SLMAP: variants seen among roughly 807,000 people sequenced by gnomAD.
The protein encoded by SLMAP is sarcolemmal membrane-associated protein.
In SLMAP, 44 loss-of-function variants were observed where a neutral mutation model predicts 128.8. The ratio of observed to expected loss-of-function variants is 0.34; its 90% CI spans 0.27 to 0.44. The LOEUF is 0.44. SLMAP is among the 20% of genes least tolerant of loss of function. The pLI, the probability that SLMAP is intolerant of heterozygous loss-of-function variation, is 1.00. For missense variants in SLMAP, 787 were observed against 985.3 expected, an observed-to-expected ratio of 0.80 and a Z score of 2.69; for synonymous variants, 327 against 348.8, an observed-to-expected ratio of 0.94 and a Z score of 0.70.
At chr3:57,787,427 A>T (rs1400645528) in intron 2 of SLMAP, among the ~76,000 whole-genome samples, 1 of 152,204 alleles carries the variant, frequency 6.6e-6, no homozygotes, top group Admixed American at 6.5e-5. Context: ...GTCAAACATT[A>T]GCATATTTAA....
At chr3:57,837,438 G>A (rs754962710) in intron 3 of SLMAP, among the ~76,000 whole-genome samples, 8 of 152,070 alleles carry the variant, frequency 5.3e-5, no homozygotes, top group South Asian at 2.1e-4. Flanking sequence ...GCACGATTTC[G>A]GTTCACTGCA....
At chr3:57,817,544 C>A (rs1006990516) in intron 2 of SLMAP, among the ~76,000 whole-genome samples, 2 of 152,170 alleles carry the variant, frequency 1.3e-5, no homozygotes, top group African/African-American at 4.8e-5. Flanking sequence ...GGGAATACCC[C>A]AATCTTCAAA....
In SLMAP at chr3:57,787,173, A is replaced by G. The variant is rs190954748; in HGVS notation, c.198+29324A>G. 2.2e-4 allele frequency among the ~76,000 whole-genome samples: 33 copies of G among 152,344 alleles called. No individual in the cohort carries two copies. The East Asian group carries it at 5.8e-3, about 27-fold the overall frequency. On this transcript the variant is annotated intron_variant, in intron 2 of 24. Transcript: ENST00000671191. ...CTCCCTTGAAGATGAGAGAAGCTGT[A>G]AAGAAATTATAATTTGAAGTAATGT...
intron 14 of SLMAP, among the ~76,000 whole-genome samples, chr3:57,871,917 T>C (rs1366653761): frequency 6.6e-6 from 1 of 152,204 alleles, no homozygotes; most frequent in Non-Finnish European, 1.5e-5. Flanking sequence ...TCATAATAGC[T>C]ACCATAAAAA....
intron 2 of SLMAP, among the ~76,000 whole-genome samples, chr3:57,816,140 T>A (rs2091827849): frequency 6.6e-6 from 1 of 151,898 alleles, no homozygotes; most frequent in African/African-American, 2.4e-5. Flanking sequence ...TTTGTTTGTT[T>A]GTTTGTTTGT....
At chr3:57,890,020 A>AACT (rs760057365) in intron 14 of SLMAP, 21 bp from the exon 15 acceptor site, 3 of 1,569,028 alleles carry the variant, frequency 1.9e-6, no homozygotes, top group South Asian at 1.1e-5. Context: ...CTTGGATGGT[A>AACT]ACGTTTATTT....
At chr3:57,778,149 G>A (rs749744532) in intron 2 of SLMAP, among the ~76,000 whole-genome samples, 13 of 152,228 alleles carry the variant, frequency 8.5e-5, no homozygotes, top group Non-Finnish European at 1.8e-4. Flanking sequence ...TAAACTATAA[G>A]TTCAATTTCT....
intron 17 of SLMAP, among the ~76,000 whole-genome samples, chr3:57,904,156 A>G (rs1043929957): frequency 7.9e-5 from 12 of 152,226 alleles, no homozygotes; most frequent in Admixed American, 1.3e-4. Flanking sequence ...TGTGTTTATT[A>G]GGCTTAATTT....
Position 57,862,062 on chromosome 3 carries a change from T to G in SLMAP, c.942T>G (p.Ile314Met). ...AATATAATGGAGCAGTTAATGAGATTAAAGATTTATCTGATAAATTAAAGG... is the reference window on the plus strand; with the variant it reads ...AATATAATGGAGCAGTTAATGAGATGAAAGATTTATCTGATAAATTAAAGG... ...ANKYNGAVNE[I>M]KDLSDKLKVA... Residue 314 changes from isoleucine to methionine, a missense_variant, in exon 10 of 25, where the codon ATT (isoleucine) becomes ATG (methionine). Transcript: ENST00000671191. 6.3e-7 allele frequency: 1 copy of G among 1,584,426 alleles called. No homozygotes were observed. Among genetic ancestry groups the G allele is most frequent in the Non-Finnish European group, 8.7e-7 (1 of 1,153,636 alleles).
At chr3:57,815,562 C>A (rs1232371044) in intron 2 of SLMAP, among the ~76,000 whole-genome samples, 1 of 151,834 alleles carries the variant, frequency 6.6e-6, no homozygotes, top group Admixed American at 6.6e-5. Context: ...CTGATAATAA[C>A]CATAAAATAT....
intron 6 of SLMAP, among the ~76,000 whole-genome samples, chr3:57,850,520 G>A (rs750608401): frequency 6.6e-6 from 1 of 152,162 alleles, no homozygotes; most frequent in Non-Finnish European, 1.5e-5. Context: ...CTGGGCTCAA[G>A]TCTTTTTCCT....
intron 2 of SLMAP, among the ~76,000 whole-genome samples, chr3:57,816,085 A>G (rs1050116943): frequency 6.6e-6 from 1 of 152,186 alleles, no homozygotes; most frequent in Admixed American, 6.5e-5. Flanking sequence ...TCATGGTCAC[A>G]CAATAAGTTA....
intron 2 of SLMAP, among the ~76,000 whole-genome samples, chr3:57,803,542 T>A (rs2089098178): frequency 6.6e-6 from 1 of 152,226 alleles, no homozygotes; most frequent in African/African-American, 2.4e-5. Context: ...AACTTTCATT[T>A]TTGTTTCCTT....
intron 2 of SLMAP, among the ~76,000 whole-genome samples, chr3:57,778,472 T>C (rs2082343519): frequency 6.6e-6 from 1 of 151,572 alleles, no homozygotes. Context: ...ATTTTTCTAT[T>C]TTCTATTTCC....
chr3:57,809,365 T>A (rs563309155), intron 2 of SLMAP, among the ~76,000 whole-genome samples: 1 of 152,344 alleles, frequency 6.6e-6, no homozygotes, highest in South Asian at 2.1e-4. Context: ...CTAGGTGCTG[T>A]CACAGACCAG....
At chr3:57,925,251 G>A (rs1049598949) in intron 23 of SLMAP, among the ~76,000 whole-genome samples, 2 of 150,822 alleles carry the variant, frequency 1.3e-5, no homozygotes, top group African/African-American at 2.4e-5. Flanking sequence ...CACTGCATTC[G>A]GCCTGCTCTG....
At chr3:57,849,877 TA>T in intron 6 of SLMAP, 61 bp downstream of exon 6, 1 of 992,854 alleles carries the variant, frequency 1.0e-6, no homozygotes. Flanking sequence ...TAAAAGTTCT[TA>T]AAAGCAGAAT....
At chr3:57,888,411 G>A (rs993878745) in intron 14 of SLMAP, among the ~76,000 whole-genome samples, 8 of 152,074 alleles carry the variant, frequency 5.3e-5, no homozygotes, top group African/African-American at 1.9e-4. Flanking sequence ...GAGGTCAAGA[G>A]ATCAAGATCA....
chr3:57,877,939 A>T (rs964854435), intron 14 of SLMAP, among the ~76,000 whole-genome samples: 34 of 149,696 alleles, frequency 2.3e-4, no homozygotes, highest in Admixed American at 2.0e-3. Context: ...GGTTCGAGCA[A>T]TTCTCCTGCC....
Sources: allele counts gnomAD v4.1 joint callset (sites outside exome capture counted in the v4.1 genomes callset), GRCh38; gene constraint gnomAD v4.1.1; transcripts MANE v1.5; gene names NCBI Gene and HGNC (gene_info 2026-07-23, HGNC 2026-07-21).